The following SLC44A5 variants were observed in gnomAD, a reference collection of about 807,000 sequenced individuals.
SLC44A5 encodes the protein choline transporter-like protein 5.
SLC44A5 carries 57 observed loss-of-function variants against 101.8 expected under a neutral mutation model. The observed-to-expected ratio is 0.56, with a 90% CI of 0.45 to 0.70. SLC44A5 has a LOEUF of 0.70. Ranked by LOEUF, SLC44A5 falls within the 30% of genes least tolerant of loss-of-function variation. SLC44A5 has a pLI of 0.00. For synonymous variants in SLC44A5, 281 were observed against 290.9 expected, an observed-to-expected ratio of 0.97 and a Z score of 0.35; for missense variants, 737 against 853.1, an observed-to-expected ratio of 0.86 and a Z score of 1.70.
At chr1:75,660,038 T>C in the SLC44A5 span, among the ~76,000 whole-genome samples, 2 of 152,024 alleles carry the variant, frequency 1.3e-5, no homozygotes, top group Non-Finnish European at 2.9e-5. Flanking sequence ...GCCCTGTCTG[T>C]ACTAATATTA....
chr1:75,655,711 A>G, the SLC44A5 span, among the ~76,000 whole-genome samples: 1 of 152,210 alleles, frequency 6.6e-6, no homozygotes, highest in East Asian at 1.9e-4. Flanking sequence ...ACCAGGTACC[A>G]GCCCAGTCAC....
At chr1:75,684,536 T>G in the SLC44A5 span, among the ~76,000 whole-genome samples, 1 of 152,038 alleles carries the variant, frequency 6.6e-6, no homozygotes, top group East Asian at 1.9e-4. Context: ...ATTGGCCAAT[T>G]TCAAAGTGGA....
At chr1:75,488,989 C>T (rs1336823812) in intron 2 of SLC44A5, among the ~76,000 whole-genome samples, 1 of 152,146 alleles carries the variant, frequency 6.6e-6, no homozygotes, top group Admixed American at 6.6e-5. Context: ...GCTGGGATTA[C>T]AGGCATACAC....
chr1:75,267,313 G>C (rs1394136618), intron 6 of SLC44A5, among the ~76,000 whole-genome samples: 1 of 152,092 alleles, frequency 6.6e-6, no homozygotes, highest in African/African-American at 2.4e-5. Flanking sequence ...ATTCTTTTGA[G>C]AAAATGTTTA....
At chr1:75,543,629 G>GTATATATACATA (rs1671480331) in intron 1 of SLC44A5, among the ~76,000 whole-genome samples, 1 of 138,316 alleles carries the variant, frequency 7.2e-6, no homozygotes, top group Non-Finnish European at 1.5e-5. Flanking sequence ...ATATATATAC[G>GTATATATACATA]TATATATACA....
chr1:75,699,209 A>T, the SLC44A5 span, among the ~76,000 whole-genome samples: 7 of 152,212 alleles, frequency 4.6e-5, no homozygotes, highest in East Asian at 1.2e-3. Context: ...TGTCAGATTC[A>T]CCAAAGTTGA....
chr1:75,563,537 T>C (rs1018333340), intron 1 of SLC44A5, among the ~76,000 whole-genome samples: 1 of 151,998 alleles, frequency 6.6e-6, no homozygotes, highest in African/African-American at 2.4e-5. Context: ...TACATATTAT[T>C]TTTAAATAAT....
intron 2 of SLC44A5, among the ~76,000 whole-genome samples, chr1:75,409,242 T>C (rs1663112213): frequency 6.6e-6 from 1 of 152,198 alleles, no homozygotes; most frequent in African/African-American, 2.4e-5. Context: ...AGGAAGTCCA[T>C]GAGTCCTTCT....
intron 2 of SLC44A5, among the ~76,000 whole-genome samples, chr1:75,413,568 G>A (rs1183154592): frequency 6.6e-6 from 1 of 152,064 alleles, no homozygotes; most frequent in Non-Finnish European, 1.5e-5. Context: ...GAATTTTACT[G>A]AATCACTAGT....
At chr1:75,330,905 T>A (rs1570695367) in intron 4 of SLC44A5, among the ~76,000 whole-genome samples, 2 of 152,106 alleles carry the variant, frequency 1.3e-5, no homozygotes, top group South Asian at 4.1e-4. Context: ...ATCAACATAC[T>A]GGGCCACTTT....
intron 5 of SLC44A5, among the ~76,000 whole-genome samples, chr1:75,287,426 CTTTTTTTTTTTT>C (rs371647505): frequency 2.9e-5 from 2 of 69,910 alleles, no homozygotes; most frequent in African/African-American, 6.0e-5. Flanking sequence ...CTTCTGAATT[CTTTTTTTTTTTT>C]TTTTTTTTTT....
the SLC44A5 span, among the ~76,000 whole-genome samples, chr1:75,661,382 G>T: frequency 2.7e-5 from 1 of 36,682 alleles, no homozygotes; most frequent in Non-Finnish European, 4.6e-5. Flanking sequence ...TGAAACTACT[G>T]CAAGTAAAAA....
At chr1:75,562,120 T>C (rs1672551642) in intron 1 of SLC44A5, among the ~76,000 whole-genome samples, 1 of 152,050 alleles carries the variant, frequency 6.6e-6, no homozygotes, top group African/African-American at 2.4e-5. Context: ...AAAAAATAAA[T>C]TTAAAAAATT....
At chr1:75,572,929 C>G (rs2102042659) in intron 1 of SLC44A5, among the ~76,000 whole-genome samples, 1 of 151,856 alleles carries the variant, frequency 6.6e-6, no homozygotes, top group Non-Finnish European at 1.5e-5. Flanking sequence ...TTGAGACCAG[C>G]CTGGCTAACT....
chr1:75,417,526 G>A (rs1053310770), intron 2 of SLC44A5, among the ~76,000 whole-genome samples: 2 of 152,228 alleles, frequency 1.3e-5, no homozygotes, highest in African/African-American at 4.8e-5. Flanking sequence ...AAATAACTAT[G>A]TCTAATCAAA....
chr1:75,683,172 T>C, the SLC44A5 span, among the ~76,000 whole-genome samples: 1 of 151,182 alleles, frequency 6.6e-6, no homozygotes, highest in African/African-American at 2.4e-5. Flanking sequence ...TGTAAACTAG[T>C]TCAACCATTG....
chr1:75,445,498 ATAT>A (rs1426738661), intron 2 of SLC44A5, among the ~76,000 whole-genome samples: 3 of 68,560 alleles, frequency 4.4e-5, no homozygotes, highest in East Asian at 2.6e-4. Context: ...AATATATATA[ATAT>A]TATACACACA....
At chr1:75,583,916 AATTTTC>A (rs1673847840) in intron 1 of SLC44A5, among the ~76,000 whole-genome samples, 1 of 152,210 alleles carries the variant, frequency 6.6e-6, no homozygotes, top group Admixed American at 6.5e-5. Flanking sequence ...TGGTCCGGCC[AATTTTC>A]AGTAATTCCT....
At chr1:75,475,314 A>C (rs11806459) in intron 2 of SLC44A5, among the ~76,000 whole-genome samples, 25,155 of 152,196 alleles carry the variant, frequency 0.17, 2,488 homozygotes, top group African/African-American at 0.27. Flanking sequence ...GAAGGAAAGG[A>C]ATGATGAGGA....
Sources: allele counts gnomAD v4.1 joint callset (sites outside exome capture counted in the v4.1 genomes callset), GRCh38; gene constraint gnomAD v4.1.1; transcripts MANE v1.5; gene names NCBI Gene and HGNC (gene_info 2026-07-23, HGNC 2026-07-21).